The following SLF1 variants were observed in gnomAD, a reference collection of about 807,000 sequenced individuals.
SLF1 encodes SMC5/6 complex localization factor 1.
In SLF1, 105 loss-of-function variants were observed where a neutral mutation model predicts 123.0. That is an observed-to-expected ratio of 0.85 (90% CI 0.73 to 1.00). The LOEUF (loss-of-function observed/expected upper bound fraction) is 1.00, where lower values mean the gene tolerates loss of function less well. SLF1 is among the 50% of genes least tolerant of loss of function. The pLI is 0.00. For missense variants in SLF1, 1,239 were observed against 1,223.0 expected (o/e 1.01, Z -0.20); for synonymous variants, 434 against 406.6 (o/e 1.07, Z -0.81).
chr5:94,619,316 G>A (rs775175745), intron 1 of SLF1, among the ~76,000 whole-genome samples: 2 of 151,878 alleles, frequency 1.3e-5, no homozygotes, highest in Admixed American at 1.3e-4. Context: ...TAAAACGGCA[G>A]TGATCCTATC....
chr5:94,686,767 A>T, intron 16 of SLF1, 49 bp downstream of exon 16: 1 of 1,528,960 alleles, frequency 6.5e-7, no homozygotes, highest in Non-Finnish European at 8.8e-7. Context: ...AAGTGAGTTC[A>T]CAAACTCAAT....
chr5:94,685,002 C>T (rs1040313811), intron 15 of SLF1, among the ~76,000 whole-genome samples: 2 of 152,196 alleles, frequency 1.3e-5, no homozygotes, highest in Non-Finnish European at 2.9e-5. Flanking sequence ...CACTAGATGC[C>T]AATAGCATCC....
At chr5:94,694,732 A>G (rs1394131990) in intron 20 of SLF1, 99 bp from the exon 21 acceptor site, 2 of 1,397,480 alleles carry the variant, frequency 1.4e-6, no homozygotes, top group East Asian at 2.3e-5. Context: ...TATGATTGCA[A>G]AGAAAGCACT....
At chr5:94,623,423 T>C (rs796260606) in intron 1 of SLF1, among the ~76,000 whole-genome samples, 4 of 152,304 alleles carry the variant, frequency 2.6e-5, no homozygotes, top group African/African-American at 7.2e-5. Flanking sequence ...CATATAATTT[T>C]AATTTTTTTG....
rs572881204 is a variant in SLF1, at chr5:94,675,265, ATGTC to A, written c.1828-3540_1828-3537del. On this transcript the variant is annotated intron_variant, in intron 14 of 20. Coordinates refer to ENST00000265140, the MANE Select transcript of SLF1 (RefSeq NM_032290.4). Reference sequence around the variant, plus strand: ...GATGATATAGAACCACATTGACAGAATGTCTGGTAATAGAGTTAAACATATTAGA... The same window carrying A: ...GATGATATAGAACCACATTGACAGAATGGTAATAGAGTTAAACATATTAGA... Among the ~76,000 whole-genome samples, 29 of 152,358 alleles carry A rather than the reference ATGTC, an allele frequency of 1.9e-4. No homozygotes were observed. In the South Asian group the frequency reaches 5.6e-3, roughly 29 times the overall value.
intron 14 of SLF1, among the ~76,000 whole-genome samples, chr5:94,673,712 AAAAT>A (rs377149154): frequency 3.9e-4 from 59 of 150,978 alleles, no homozygotes; most frequent in African/African-American, 7.7e-4. Context: ...AAAAAAAAAA[AAAAT>A]TCATCTGAAT....
chr5:94,690,270 T>C (rs1203993182), intron 18 of SLF1, among the ~76,000 whole-genome samples: 4 of 152,166 alleles, frequency 2.6e-5, no homozygotes, highest in Non-Finnish European at 5.9e-5. Context: ...TGTTGTTGTT[T>C]ATGAGTTATA....
In SLF1 at chr5:94,636,618, ATTC is replaced by A. The variant is rs535412376; in HGVS notation, c.431+5878_431+5880del. Among the ~76,000 whole-genome samples, 52 of 138,922 alleles carry A rather than the reference ATTC, an allele frequency of 3.7e-4. 1 individual carries two copies. The South Asian group carries it at 0.011, about 31-fold the overall frequency. 91.1% of individuals were successfully genotyped at this position (138,922 alleles called of 152,430 possible). A position where few individuals can be genotyped will look rare whatever the true frequency, so the allele number is the denominator to read the frequency against. ...AAAATTTCCTATTTTGTTTTTGTTT[ATTC>A]TTTTTCTTTGTCAGACTTCTTGTTT... On this transcript the variant is annotated intron_variant, in intron 4 of 20. Transcript: ENST00000265140.
chr5:94,651,296 CAT>C (rs1481860961), intron 6 of SLF1, among the ~76,000 whole-genome samples: 1 of 152,190 alleles, frequency 6.6e-6, no homozygotes, highest in African/African-American at 2.4e-5. Flanking sequence ...CTTCTCAAAA[CAT>C]ATCCCCATCG....
intron 12 of SLF1, among the ~76,000 whole-genome samples, chr5:94,667,492 C>T (rs558796141): frequency 1.3e-5 from 2 of 152,096 alleles, no homozygotes; most frequent in South Asian, 4.2e-4. Flanking sequence ...TCCAAAGTAC[C>T]CCCCCACAGT....
intron 6 of SLF1, among the ~76,000 whole-genome samples, chr5:94,650,564 C>T (rs995228290): frequency 1.7e-4 from 26 of 152,206 alleles, no homozygotes; most frequent in Admixed American, 1.4e-3. Flanking sequence ...CGGGGTTTCA[C>T]CATGTTAACC....
At chr5:94,650,316 A>G (rs111562625) in intron 6 of SLF1, among the ~76,000 whole-genome samples, 30 of 152,122 alleles carry the variant, frequency 2.0e-4, no homozygotes, top group African/African-American at 6.3e-4. Flanking sequence ...TTTTTACCAT[A>G]TCTGTCAAGT....
chr5:94,638,206 T>G (rs1425011675), intron 4 of SLF1, among the ~76,000 whole-genome samples: 2 of 151,692 alleles, frequency 1.3e-5, no homozygotes, highest in Non-Finnish European at 2.9e-5. Flanking sequence ...TGAGACAGAG[T>G]CTCACTCTGT....
chr5:94,667,578 A>G lies in SLF1; in HGVS notation c.1532+1554A>G, dbSNP rs145610958. Among the ~76,000 whole-genome samples, 76 of 152,320 alleles carry G rather than the reference A, an allele frequency of 5.0e-4. No individual in the cohort carries two copies. The East Asian group carries it at 0.013, about 25-fold the overall frequency. On this transcript the variant is annotated intron_variant, in intron 12 of 20. Transcript: ENST00000265140. ...GACTCACATACATTGAACTACCTAT[A>G]GAAGATGGTTCAGATTTCTTAGCGA...
Position 94,663,878 on chromosome 5 carries a change from T to C in SLF1, c.1338T>C (p.Val446=). The stretch of plus-strand genomic sequence containing the variant: ...CACATTATATCCCTCCTGTATGCGT[T>C]CTTCATGCCCTTCTAGAGAACGTTC... ...LQAHYIPPVC[V]LHALLENVLQ... The change falls in exon 11 of 21, where the codon GTT becomes GTC. Residue 446 remains valine (V), a synonymous_variant. Transcript: ENST00000265140. 3 of 1,543,294 alleles carry C rather than the reference T, an allele frequency of 1.9e-6. No homozygotes were observed. The highest frequency in any genetic ancestry group is 1.2e-5 in the South Asian group (1 of 81,124).
chr5:94,620,368 C>T (rs183040627), intron 1 of SLF1, among the ~76,000 whole-genome samples: 2 of 152,298 alleles, frequency 1.3e-5, no homozygotes, highest in South Asian at 2.1e-4. Context: ...TTCCCTAAAG[C>T]ATAAAGCGTG....
Position 94,628,843 on chromosome 5 carries a change from G to A in SLF1, c.33G>A (p.Gln11=), listed in dbSNP as rs750772567. MEDGTPKHII[Q]MTGFKMEEKE... ...ATGGTACCCCAAAGCATATCATCCA[G>A]ATGACAGGATTTAAGATGGAAGAAA... The change falls in exon 2 of 21, where the codon CAG becomes CAA. Residue 11 remains glutamine (Q), a synonymous_variant. Coordinates refer to ENST00000265140, the MANE Select transcript of SLF1 (RefSeq NM_032290.4). 33 of 1,549,562 alleles carry A rather than the reference G, an allele frequency of 2.1e-5. No homozygotes were observed. Among genetic ancestry groups the A allele is most frequent in the Non-Finnish European group, 8.7e-7 (1 of 1,146,208 alleles).
At chr5:94,674,397 T>C (rs1012467373) in intron 14 of SLF1, among the ~76,000 whole-genome samples, 1 of 152,216 alleles carries the variant, frequency 6.6e-6, no homozygotes, top group Non-Finnish European at 1.5e-5. Flanking sequence ...AATTGTAGCA[T>C]TGTGATATGA....
At chr5:94,654,290 G>A (rs1312069609) in intron 8 of SLF1, among the ~76,000 whole-genome samples, 2 of 151,262 alleles carry the variant, frequency 1.3e-5, no homozygotes, top group East Asian at 1.9e-4. Flanking sequence ...GTATGACCAT[G>A]GCAACAACAA....
Sources: allele counts gnomAD v4.1 joint callset (sites outside exome capture counted in the v4.1 genomes callset), GRCh38; gene constraint gnomAD v4.1.1; transcripts MANE v1.5; gene names NCBI Gene and HGNC (gene_info 2026-07-23, HGNC 2026-07-21).